DPP10: variants seen among roughly 807,000 people sequenced by gnomAD.
The protein encoded by DPP10 is dipeptidyl peptidase like 10.
In DPP10, 33 loss-of-function variants were observed where a neutral mutation model predicts 120.9. The ratio of observed to expected loss-of-function variants is 0.27; its 90% CI spans 0.21 to 0.37. The LOEUF (loss-of-function observed/expected upper bound fraction) is 0.37, where lower values mean the gene tolerates loss of function less well. DPP10 is among the 10% of genes least tolerant of loss of function. DPP10 has a pLI of 1.00. For missense variants in DPP10, 816 were observed against 942.8 expected (o/e 0.87, Z 1.76); for synonymous variants, 337 against 326.1 (o/e 1.03, Z -0.36).
rs1402704671 is a variant in DPP10, at chr2:114,508,435, T to G, written c.60+65597T>G. 5.9e-5 allele frequency among the ~76,000 whole-genome samples: 9 copies of G among 152,354 alleles called. No homozygotes were observed. The East Asian group carries it at 1.7e-3, about 29-fold the overall frequency. The stretch of plus-strand genomic sequence containing the variant: ...TTAAGTGTAATAATATTTTGTTTAT[T>G]TTTATTGCTAGTAATGTTTCATGGT... On this transcript the variant is annotated intron_variant, in intron 1 of 25. Coordinates refer to ENST00000410059, the MANE Select transcript of DPP10 (RefSeq NM_020868.6).
intron 5 of DPP10, among the ~76,000 whole-genome samples, chr2:115,648,677 CTT>C (rs1369716980): frequency 1.3e-5 from 2 of 150,222 alleles, no homozygotes; most frequent in Non-Finnish European, 3.0e-5. Flanking sequence ...TTTAATAAAA[CTT>C]AGCCTAGGGT....
chr2:115,789,996 C>T (rs1683763921), intron 17 of DPP10, among the ~76,000 whole-genome samples: 1 of 151,548 alleles, frequency 6.6e-6, no homozygotes, highest in South Asian at 2.1e-4. Flanking sequence ...ACAATATGTA[C>T]ACATGGATAT....
chr2:114,661,840 C>T (rs1415750057), intron 1 of DPP10, among the ~76,000 whole-genome samples: 1 of 152,132 alleles, frequency 6.6e-6, no homozygotes, highest in African/African-American at 2.4e-5. Context: ...CATTCAGCAA[C>T]ATCATGAAAA....
At chr2:115,660,346 T>C (rs953546379) in intron 5 of DPP10, among the ~76,000 whole-genome samples, 2 of 152,160 alleles carry the variant, frequency 1.3e-5, no homozygotes, top group African/African-American at 4.8e-5. Flanking sequence ...CTATGACCAT[T>C]CCTACAGTCA....
chr2:114,571,288 TAA>T (rs1411742507), intron 1 of DPP10, among the ~76,000 whole-genome samples: 3 of 151,960 alleles, frequency 2.0e-5, no homozygotes, highest in Non-Finnish European at 4.4e-5. Flanking sequence ...TCTGGCTGTT[TAA>T]AAGTGTGGTG....
chr2:115,711,916 G>GTTTT (rs1245249118), intron 7 of DPP10, among the ~76,000 whole-genome samples: 2 of 44,740 alleles, frequency 4.5e-5, no homozygotes, highest in African/African-American at 6.0e-5. Flanking sequence ...AAATGGTCTG[G>GTTTT]TTTTTTTTTT....
At chr2:115,827,783 A>T (rs1181064646) in intron 21 of DPP10, among the ~76,000 whole-genome samples, 1 of 151,624 alleles carries the variant, frequency 6.6e-6, no homozygotes, top group Admixed American at 6.6e-5. Context: ...ATTAGTAGAG[A>T]TGGGGGTTTC....
intron 1 of DPP10, among the ~76,000 whole-genome samples, chr2:115,187,107 G>T (rs897229247): frequency 7.6e-6 from 1 of 131,814 alleles, no homozygotes; most frequent in African/African-American, 2.8e-5. Flanking sequence ...CGCAATCTCG[G>T]CTCACTGCAA....
intron 13 of DPP10, among the ~76,000 whole-genome samples, chr2:115,771,543 G>T (rs75024505): frequency 1.4e-4 from 21 of 152,218 alleles, no homozygotes; most frequent in African/African-American, 5.1e-4. Context: ...ATATCCATAC[G>T]AATGTATTTG....
intron 3 of DPP10, among the ~76,000 whole-genome samples, chr2:115,465,720 G>A (rs1174775992): frequency 6.6e-6 from 1 of 152,142 alleles, no homozygotes; most frequent in Non-Finnish European, 1.5e-5. Context: ...TACTCGGGAG[G>A]CTGAGACAGG....
At chr2:115,082,117 G>A (rs1708320737) in intron 1 of DPP10, among the ~76,000 whole-genome samples, 1 of 152,126 alleles carries the variant, frequency 6.6e-6, no homozygotes, top group Non-Finnish European at 1.5e-5. Context: ...GTTTTCAACA[G>A]GCCAGAATGT....
At chr2:115,728,874 C>T (rs367683360) in intron 8 of DPP10, among the ~76,000 whole-genome samples, 3 of 152,124 alleles carry the variant, frequency 2.0e-5, no homozygotes, top group South Asian at 2.1e-4. Context: ...TCTAATAAAC[C>T]GTATATTTAC....
At chr2:114,797,575 C>T (rs1292457826) in intron 1 of DPP10, among the ~76,000 whole-genome samples, 1 of 152,174 alleles carries the variant, frequency 6.6e-6, no homozygotes, top group African/African-American at 2.4e-5. Flanking sequence ...ACCAGAATTT[C>T]TCAACAACCA....
chr2:115,602,701 G>T (rs1167506114), intron 5 of DPP10, among the ~76,000 whole-genome samples: 2 of 152,072 alleles, frequency 1.3e-5, no homozygotes, highest in African/African-American at 4.8e-5. Context: ...TTCTTTGAGG[G>T]CTCACTCATG....
At chr2:115,744,674 C>A (rs758147044) in intron 9 of DPP10, among the ~76,000 whole-genome samples, 1 of 150,288 alleles carries the variant, frequency 6.7e-6, no homozygotes. Flanking sequence ...GTGCTAGTCT[C>A]TTTTGATATC....
intron 1 of DPP10, among the ~76,000 whole-genome samples, chr2:115,018,998 A>G (rs1702873602): frequency 6.6e-6 from 1 of 151,810 alleles, no homozygotes; most frequent in East Asian, 1.9e-4. Context: ...CTGCAGCAGG[A>G]CCCAGTCACC....
chr2:115,697,080 T>C (rs2091633105), intron 7 of DPP10, among the ~76,000 whole-genome samples: 1 of 151,592 alleles, frequency 6.6e-6, no homozygotes, highest in African/African-American at 2.4e-5. Context: ...ATAATAAATA[T>C]ACACAAAAGA....
intron 1 of DPP10, among the ~76,000 whole-genome samples, chr2:114,846,982 C>G (rs1466347582): frequency 2.0e-5 from 3 of 152,090 alleles, no homozygotes; most frequent in African/African-American, 7.2e-5. Context: ...TGTTTTCTTC[C>G]CAAACCCTAT....
chr2:114,984,647 G>T (rs536444060), intron 1 of DPP10, among the ~76,000 whole-genome samples: 1 of 152,152 alleles, frequency 6.6e-6, no homozygotes, highest in Admixed American at 6.5e-5. Flanking sequence ...AAATAAAACA[G>T]GATTTAAATA....
Sources: allele counts gnomAD v4.1 joint callset (sites outside exome capture counted in the v4.1 genomes callset), GRCh38; gene constraint gnomAD v4.1.1; transcripts MANE v1.5; gene names NCBI Gene and HGNC (gene_info 2026-07-23, HGNC 2026-07-21).